Variants in MTUS1 observed in about 807,000 individuals in gnomAD.
MTUS1 encodes microtubule-associated tumor suppressor 1.
Under a neutral mutation model 120.8 loss-of-function variants are expected in MTUS1, and 109 were observed. The ratio of observed to expected loss-of-function variants is 0.90; its 90% CI spans 0.77 to 1.06. The LOEUF is 1.06. Ranked by LOEUF, MTUS1 falls within the 50% of genes least tolerant of loss-of-function variation. The pLI is 0.00. For synonymous variants in MTUS1, 737 were observed against 550.5 expected (o/e 1.34, Z -4.74); for missense variants, 2,210 against 1,486.3 (o/e 1.49, Z -8.01).
At chr8:17,698,551 G>A (rs922448446) in intron 6 of MTUS1, among the ~76,000 whole-genome samples, 4 of 152,054 alleles carry the variant, frequency 2.6e-5, no homozygotes, top group African/African-American at 9.7e-5. Flanking sequence ...CTGTTTCCAA[G>A]ATTTCCTAGA....
At chr8:17,680,139 C>T (rs147602485) in intron 7 of MTUS1, among the ~76,000 whole-genome samples, 3 of 152,008 alleles carry the variant, frequency 2.0e-5, no homozygotes, top group Admixed American at 6.6e-5. Context: ...GGGAACAGAA[C>T]GTAGATCTAG....
chr8:17,777,925 G>T (rs2050582003), intron 1 of MTUS1, among the ~76,000 whole-genome samples: 2 of 152,190 alleles, frequency 1.3e-5, no homozygotes, highest in African/African-American at 4.8e-5. Context: ...TATAAATTAT[G>T]CAGTTTACAA....
At chr8:17,674,627 TG>T in intron 8 of MTUS1, 1 of 986,506 alleles carries the variant, frequency 1.0e-6, no homozygotes, top group Non-Finnish European at 1.2e-6. Context: ...ACTGCAGGGC[TG>T]GGTGGTAGGT....
intron 7 of MTUS1, among the ~76,000 whole-genome samples, chr8:17,684,012 A>T (rs1244426691): frequency 7.2e-5 from 11 of 152,194 alleles, no homozygotes; most frequent in Non-Finnish European, 1.3e-4. Context: ...AAACACACAA[A>T]TTAAGTGAAA....
In MTUS1 at chr8:17,755,158, T is replaced by C. The variant is rs771833236; in HGVS notation, c.650A>G (p.His217Arg). Residue 217 changes from histidine (H) to arginine (R), a missense_variant, in exon 2 of 15, where the codon CAT becomes CGT. Transcript: ENST00000693296. The part of the protein sequence containing the change: ...TWTSSHSDKT[H>R]ARETTYDRES... ...TCTATCATAAGTAGTTTCTCTTGCA[T>C]GCGTCTTATCAGAATGGGAAGATGT... 1.9e-6 allele frequency: 3 copies of C among 1,614,174 alleles called. No homozygotes were observed. Among genetic ancestry groups the C allele is most frequent in the South Asian group, 2.2e-5 (2 of 91,084 alleles).
At chr8:17,689,249 A>C (rs1816470023) in intron 6 of MTUS1, among the ~76,000 whole-genome samples, 1 of 152,098 alleles carries the variant, frequency 6.6e-6, no homozygotes, top group Non-Finnish European at 1.5e-5. Context: ...ACCCCAAGCC[A>C]AGCCCAATTA....
intron 6 of MTUS1, among the ~76,000 whole-genome samples, chr8:17,685,936 A>G (rs1166476528): frequency 6.6e-6 from 1 of 152,232 alleles, no homozygotes; most frequent in Non-Finnish European, 1.5e-5. Flanking sequence ...TAATATCGTA[A>G]TATTACAGCC....
chr8:17,664,481 C>T (rs1172126038), intron 8 of MTUS1, among the ~76,000 whole-genome samples: 1 of 151,226 alleles, frequency 6.6e-6, no homozygotes, highest in East Asian at 1.9e-4. Flanking sequence ...CCCCTCTCTG[C>T]ACCATCTAGG....
At chr8:17,650,103 G>A (rs1372081525) in intron 12 of MTUS1, 141 bp from the exon 13 acceptor site, 5 of 678,758 alleles carry the variant, frequency 7.4e-6, no homozygotes, top group Non-Finnish European at 1.3e-5. Flanking sequence ...AAAGAAAGAG[G>A]TGAAAAACAA....
rs551467487 is a variant in MTUS1 at position 17,659,414 on chromosome 8, G to C, written c.2906-3349C>G. Among the ~76,000 whole-genome samples, 22 of 152,246 alleles carry C rather than the reference G, an allele frequency of 1.4e-4. 2 individuals carry two copies. In the South Asian group the frequency reaches 3.7e-3, roughly 26 times the overall value. On this transcript the variant is annotated intron_variant, in intron 8 of 14. Coordinates refer to ENST00000693296, the MANE Select transcript of MTUS1 (RefSeq NM_001363059.2). ...AATAAATAAATAAAAACTGTGATGA[G>C]GGCTGGGCACAGTGGCTCACGCCTG...
At chr8:17,718,759 T>C (rs754679035) in intron 4 of MTUS1, among the ~76,000 whole-genome samples, 10 of 151,874 alleles carry the variant, frequency 6.6e-5, no homozygotes, top group Non-Finnish European at 1.3e-4. Flanking sequence ...TTTATCTTCA[T>C]TTCCCCATGG....
chr8:17,747,903 C>T (rs1420291218), intron 2 of MTUS1, among the ~76,000 whole-genome samples: 1 of 152,088 alleles, frequency 6.6e-6, no homozygotes, highest in East Asian at 1.9e-4. Flanking sequence ...TGGCAGCAGG[C>T]AAAGAGAGCT....
chr8:17,756,415 T>G (rs936089749), intron 1 of MTUS1, among the ~76,000 whole-genome samples: 1 of 152,116 alleles, frequency 6.6e-6, no homozygotes, highest in South Asian at 2.1e-4. Context: ...CCCCCTATTA[T>G]TTCCATGCAG....
intron 1 of MTUS1, among the ~76,000 whole-genome samples, chr8:17,774,029 C>T (rs763046901): frequency 6.6e-6 from 1 of 152,172 alleles, no homozygotes; most frequent in African/African-American, 2.4e-5. Context: ...GCTCCCTCAC[C>T]TCATTATATG....
chr8:17,774,971 T>TAAAA (rs76567642), intron 1 of MTUS1, among the ~76,000 whole-genome samples: 21 of 96,972 alleles, frequency 2.2e-4, no homozygotes, highest in East Asian at 3.2e-4. Flanking sequence ...ATATTATAAG[T>TAAAA]AAAAAAAAAA....
intron 6 of MTUS1, 80 bp from the exon 7 acceptor site, chr8:17,684,622 C>T (rs1815368734): frequency 9.1e-7 from 1 of 1,095,664 alleles, no homozygotes; most frequent in Non-Finnish European, 1.4e-6. Context: ...CAAAAACAAC[C>T]AGATAAGCCA....
chr8:17,761,185 G>C (rs1318656617), intron 1 of MTUS1, among the ~76,000 whole-genome samples: 1 of 152,022 alleles, frequency 6.6e-6, no homozygotes, highest in African/African-American at 2.4e-5. Flanking sequence ...AATGGTCAAA[G>C]AACTACTAGT....
chr8:17,707,598 C>T (rs1012491512), intron 6 of MTUS1, among the ~76,000 whole-genome samples: 2 of 152,158 alleles, frequency 1.3e-5, no homozygotes, highest in African/African-American at 4.8e-5. Context: ...TATTAGATTA[C>T]ATTCCTAAAA....
chr8:17,715,111 G>A (rs1019547719), intron 5 of MTUS1, among the ~76,000 whole-genome samples: 5 of 151,034 alleles, frequency 3.3e-5, no homozygotes, highest in Non-Finnish European at 7.4e-5. Context: ...TTGCCATGTC[G>A]GCCAGGCTGG....
Sources: gnomAD v4.1 joint callset for allele counts (sites outside exome capture counted in the v4.1 genomes callset) on GRCh38, gnomAD v4.1.1 for gene constraint, MANE v1.5 for transcripts, NCBI Gene and HGNC (gene_info 2026-07-23, HGNC 2026-07-21) for gene names.